The following EFTUD2 variants were observed in gnomAD, a reference collection of about 807,000 sequenced individuals.
The protein encoded by EFTUD2 is 116 kDa U5 small nuclear ribonucleoprotein component.
A neutral mutation model predicts 114.3 loss-of-function variants in EFTUD2; 9 were observed. The ratio of observed to expected loss-of-function variants is 0.08; its 90% CI spans 0.05 to 0.14. EFTUD2 has a LOEUF of 0.14. Ranked by LOEUF, EFTUD2 falls within the 10% of genes least tolerant of loss-of-function variation. The pLI is 1.00. For synonymous variants in EFTUD2, 449 were observed against 462.3 expected (o/e 0.97, Z 0.37); for missense variants, 765 against 1,241.2 (o/e 0.62, Z 5.76).
At chr17:44,868,993 T>A (rs2050799247) in intron 11 of EFTUD2, among the ~76,000 whole-genome samples, 1 of 152,226 alleles carries the variant, frequency 6.6e-6, no homozygotes, top group African/African-American at 2.4e-5. Flanking sequence ...TCCAATTAGA[T>A]AACTGATAGC....
chr17:44,857,456 T>A, intron 19 of EFTUD2: 1 of 344,176 alleles, frequency 2.9e-6, no homozygotes, highest in South Asian at 2.5e-5. Flanking sequence ...CATTCAGCCA[T>A]CTACCACCAT....
At chr17:44,888,874 ACAT>A (rs1346111717) in intron 2 of EFTUD2, among the ~76,000 whole-genome samples, 1 of 152,224 alleles carries the variant, frequency 6.6e-6, no homozygotes, top group Non-Finnish European at 1.5e-5. Flanking sequence ...AGGAAGGTGG[ACAT>A]ACAAACATGC....
intron 6 of EFTUD2, 194 bp from the exon 7 acceptor site, chr17:44,881,916 G>A (rs1030407054): frequency 3.2e-5 from 18 of 569,976 alleles, no homozygotes; most frequent in African/African-American, 2.9e-4. Flanking sequence ...GCTCCTGGGT[G>A]TGTGGAGGGA....
rs750898301 is a variant in EFTUD2, at chr17:44,865,053, C to T, written c.1162G>A (p.Val388Met). 2 of 1,614,162 alleles carry T rather than the reference C, an allele frequency of 1.2e-6. No homozygotes were observed. Among genetic ancestry groups the T allele is most frequent in the Non-Finnish European group, 1.7e-6 (2 of 1,180,034 alleles). The change falls in exon 14 of 28, where the codon GTG becomes ATG. Residue 388 changes from valine to methionine, a missense_variant. Val to Met is a conservative substitution (Grantham distance 21). Transcript: ENST00000426333. ...YKILAQVVGD[V>M]DTSLPRTLDE... ...AGGGTCCGTGGGAGGCTGGTGTCCA[C>T]GTCACCTACAACCTGTGAGGGTGTA...
intron 1 of EFTUD2, 130 bp from the exon 2 acceptor site, chr17:44,894,655 C>G: frequency 1.5e-6 from 1 of 675,188 alleles, no homozygotes; most frequent in Non-Finnish European, 2.6e-6. Flanking sequence ...CCAGTGACAT[C>G]AACCTACTGA....
At position 44,872,579 on chromosome 17, in the gene EFTUD2, G is replaced by C. The variant is rs377043982; in HGVS notation, c.870-9C>G. 6.2e-7 allele frequency: 1 copy of C among 1,603,622 alleles called. No homozygotes were observed. The highest frequency in any genetic ancestry group is 8.5e-7 in the Non-Finnish European group (1 of 1,174,352). On this transcript the variant is annotated splice_polypyrimidine_tract_variant and intron_variant, in intron 10 of 27. Transcript: ENST00000426333. The stretch of plus-strand genomic sequence containing the variant: ...CATCAGTGGAATACATGCTGAAACA[G>C]AGACAGTGGTGAACACAGTGCCAGG...
At chr17:44,860,145 A>G in intron 17 of EFTUD2, 100 bp from the exon 18 acceptor site, 5 of 1,537,534 alleles carry the variant, frequency 3.3e-6, no homozygotes, top group Non-Finnish European at 4.5e-6. Flanking sequence ...GGATCAGACT[A>G]TGTATTCCCC....
intron 2 of EFTUD2, among the ~76,000 whole-genome samples, chr17:44,892,818 G>A (rs1362657212): frequency 6.6e-6 from 1 of 151,362 alleles, no homozygotes; most frequent in East Asian, 2.0e-4. Flanking sequence ...TTGTATTTTA[G>A]TAGAGACGGG....
At chr17:44,862,671 AT>A (rs2050678976) in intron 16 of EFTUD2, 41 bp downstream of exon 16, 2 of 1,572,152 alleles carry the variant, frequency 1.3e-6, no homozygotes, top group East Asian at 4.6e-5. Context: ...CAGCCCCTGG[AT>A]AGACACCAAG....
Position 44,860,509 on chromosome 17 carries a change from T to G in EFTUD2, c.1642A>C (p.Asn548His). 7.4e-6 allele frequency: 12 copies of G among 1,614,088 alleles called. No individual in the cohort carries two copies. The highest frequency in any genetic ancestry group is 9.3e-6 in the Non-Finnish European group (11 of 1,179,984). ...TCAACACCTTCAATCAGAACCCAGT[T>G]GCCAGCAGGAACACGGTTCACCTCG... ...HIEVNRVPAG[N>H]WVLIEGVDQP... Residue 548 changes from asparagine to histidine, a missense_variant, in exon 17 of 28, where the codon AAC becomes CAC. Physicochemically the swap from Asn to His is moderately conservative, Grantham distance 68 (BLOSUM62 1). Coordinates refer to ENST00000426333, the MANE Select transcript of EFTUD2 (RefSeq NM_004247.4).
intron 13 of EFTUD2, among the ~76,000 whole-genome samples, chr17:44,867,467 T>C (rs536404212): frequency 3.3e-4 from 50 of 151,994 alleles, no homozygotes; most frequent in African/African-American, 1.1e-3. Flanking sequence ...GCCCAGCTAA[T>C]TTTTTGTATT....
intron 20 of EFTUD2, among the ~76,000 whole-genome samples, chr17:44,856,130 C>CAAAAAAA (rs1045415785): frequency 2.7e-5 from 1 of 37,352 alleles, no homozygotes; most frequent in Non-Finnish European, 4.7e-5. Flanking sequence ...GACCCTGTCT[C>CAAAAAAA]AAAAAAAAAA....
At chr17:44,859,382 G>A (rs2050615329) in intron 18 of EFTUD2, 3 of 597,188 alleles carry the variant, frequency 5.0e-6, no homozygotes, top group South Asian at 3.9e-5. Flanking sequence ...CACTCAGCAT[G>A]GTGATACTAG....
chr17:44,853,558 T>C lies in EFTUD2; in HGVS notation c.2425A>G (p.Ile809Val). 1 of 1,614,198 alleles carries C rather than the reference T, an allele frequency of 6.2e-7. No individual in the cohort carries two copies. The highest frequency in any genetic ancestry group is 8.5e-7 in the Non-Finnish European group (1 of 1,180,038). ...EPLHRGGGQI[I>V]PTARRVVYSA... ...TAGACGACTCTCCTGGCTGTGGGGA[T>C]GATCTGGCCCCCGCCCCGGTGCAGG... is the stretch of plus-strand genomic sequence containing the variant. Residue 809 changes from isoleucine (I) to valine (V), a missense_variant, in exon 24 of 28, where the codon ATC becomes GTC. Transcript: ENST00000426333.
rs141160645 is a variant in EFTUD2 at position 44,862,689 on chromosome 17, T to C, written c.1607+24A>G. 1.0e-4 allele frequency: 163 copies of C among 1,604,362 alleles called. No individual in the cohort carries two copies. The African/African-American group carries it at 1.9e-3, about 19-fold the overall frequency. On this transcript the variant is annotated intron_variant, in intron 16 of 27. Coordinates refer to ENST00000426333, the MANE Select transcript of EFTUD2 (RefSeq NM_004247.4). ...CCCCTGGATAGACACCAAGGCATAC[T>C]CCTGGGGCTCTGGTTGGCAGTACCT...
At position 44,853,402 on chromosome 17, in the gene EFTUD2, CAAG is replaced by C; in HGVS notation, c.2467-15_2467-13del. ...AGACGAGGAGTAGCCTGCAGCAGAG[CAAG>C]AAGAAAGGCCCCTCAGCTTGGGGAA... On this transcript the variant is annotated splice_polypyrimidine_tract_variant and intron_variant, in intron 24 of 27. Transcript: ENST00000426333. The C allele has an allele frequency of 1.9e-6, 3 of 1,614,114 alleles. No individual in the cohort carries two copies. The South Asian group carries it at 3.3e-5, about 18-fold the overall frequency.
chr17:44,871,017 C>CAA (rs200519792), intron 11 of EFTUD2, among the ~76,000 whole-genome samples: 8 of 145,780 alleles, frequency 5.5e-5, no homozygotes, highest in South Asian at 2.2e-4. Context: ...GATTATGTCT[C>CAA]AAAAAAAAAA....
intron 19 of EFTUD2, among the ~76,000 whole-genome samples, chr17:44,857,920 CTTTTTT>C (rs528299306): frequency 3.1e-5 from 4 of 127,516 alleles, no homozygotes; most frequent in African/African-American, 9.2e-5. Flanking sequence ...TTTCTTTTTC[CTTTTTT>C]TTTTTTTTTT....
Position 44,862,922 on chromosome 17 carries a change from G to A in EFTUD2, c.1414-16C>T. ...TCAGGGGGCCCTGGAAGAGGGGACA[G>A]GGTGCAGCTTCAACCACATCTATGC... On this transcript the variant is annotated splice_polypyrimidine_tract_variant and intron_variant, in intron 15 of 27. Coordinates refer to ENST00000426333, the MANE Select transcript of EFTUD2 (RefSeq NM_004247.4). 6.2e-7 allele frequency: 1 copy of A among 1,603,360 alleles called. No homozygotes were observed. Among genetic ancestry groups the A allele is most frequent in the South Asian group, 1.1e-5 (1 of 90,538 alleles).
Sources: gnomAD v4.1 joint callset for allele counts (sites outside exome capture counted in the v4.1 genomes callset) on GRCh38, gnomAD v4.1.1 for gene constraint, MANE v1.5 for transcripts, NCBI Gene and HGNC (gene_info 2026-07-23, HGNC 2026-07-21) for gene names.